SLC38A4: variants seen among roughly 807,000 people sequenced by gnomAD.
SLC38A4 encodes solute carrier family 38 member 4.
SLC38A4 carries 20 observed loss-of-function variants against 63.1 expected under a neutral mutation model. That is an observed-to-expected ratio of 0.32 (90% CI 0.22 to 0.46). The LOEUF is 0.46. Ranked by LOEUF, SLC38A4 falls within the 20% of genes least tolerant of loss-of-function variation. The pLI is 1.00. For missense variants in SLC38A4, 526 were observed against 663.6 expected, an observed-to-expected ratio of 0.79 and a Z score of 2.28; for synonymous variants, 230 against 225.5, an observed-to-expected ratio of 1.02 and a Z score of -0.18.
intron 16 of SLC38A4, among the ~76,000 whole-genome samples, chr12:46,768,030 A>T (rs1011924499): frequency 6.6e-6 from 1 of 152,144 alleles, no homozygotes; most frequent in African/African-American, 2.4e-5. Flanking sequence ...GCAGCTTGGT[A>T]TTGGACACTG....
At position 46,793,095 on chromosome 12, in the gene SLC38A4, C is replaced by T; in HGVS notation, c.-24G>A. 1 of 1,537,902 alleles carries T rather than the reference C, an allele frequency of 6.5e-7. No individual in the cohort carries two copies. The highest frequency in any genetic ancestry group is 9.0e-7 in the Non-Finnish European group (1 of 1,111,570). On this transcript the variant is annotated 5_prime_UTR_variant, in exon 3 of 17. Coordinates refer to ENST00000266579, the MANE Select transcript of SLC38A4 (RefSeq NM_018018.5). Reference sequence around the variant, plus strand: ...ATTTGAGCTGTCAGCGCTTTCTTGTCCACACACAAGCCCCTTCAGTGTAAA... The same window carrying T: ...ATTTGAGCTGTCAGCGCTTTCTTGTTCACACACAAGCCCCTTCAGTGTAAA...
chr12:46,769,363 C>T lies in SLC38A4; in HGVS notation c.1365G>A (p.Leu455=). The part of the protein sequence containing the change: ...KRPFSWIRHF[L]IAAVLIALNN... ...TAAGTGCAATAAGCACAGCTGCAAT[C>T]AGGAAATGTCGTATCCAGCTGAAGG... The change falls in exon 15 of 17, where the codon CTG becomes CTA. Residue 455 remains leucine, a synonymous_variant. Transcript: ENST00000266579. The T allele has an allele frequency of 1.9e-6, 3 of 1,613,494 alleles. No homozygotes were observed. The highest frequency in any genetic ancestry group is 2.5e-6 in the Non-Finnish European group (3 of 1,179,566).
At chr12:46,808,204 T>C (rs1939272922) in intron 1 of SLC38A4, among the ~76,000 whole-genome samples, 1 of 152,014 alleles carries the variant, frequency 6.6e-6, no homozygotes, top group Non-Finnish European at 1.5e-5. Flanking sequence ...CTCCCAAATA[T>C]GAAGCCCCAA....
At chr12:46,779,530 G>T in intron 10 of SLC38A4, 81 bp downstream of exon 10, 1 of 1,106,230 alleles carries the variant, frequency 9.0e-7, no homozygotes, top group Non-Finnish European at 1.3e-6. Flanking sequence ...TGAAGTGCTT[G>T]AACAAAATGA....
At chr12:46,780,303 C>T (rs1938613227) in intron 7 of SLC38A4, among the ~76,000 whole-genome samples, 1 of 151,950 alleles carries the variant, frequency 6.6e-6, no homozygotes, top group Non-Finnish European at 1.5e-5. Context: ...TAAGGTTCTG[C>T]CCTCATTAGT....
At chr12:46,800,696 T>C (rs1365940758) in intron 2 of SLC38A4, among the ~76,000 whole-genome samples, 1 of 152,106 alleles carries the variant, frequency 6.6e-6, no homozygotes, top group Non-Finnish European at 1.5e-5. Flanking sequence ...ATTTGATAAT[T>C]AACTGTCTTA....
At chr12:46,805,616 G>A (rs74239143) in intron 1 of SLC38A4, among the ~76,000 whole-genome samples, 15 of 151,936 alleles carry the variant, frequency 9.9e-5, no homozygotes, top group East Asian at 1.9e-4. Flanking sequence ...AATCTCATGC[G>A]CATTTGCTAA....
chr12:46,788,579 C>T lies in SLC38A4; in HGVS notation c.159G>A (p.Leu53=). 6.2e-7 allele frequency: 1 copy of T among 1,613,682 alleles called. No homozygotes were observed. Among genetic ancestry groups the T allele is most frequent in the African/African-American group, 1.3e-5 (1 of 75,034 alleles). ...TCTTTTTCCCCAAAAATCCATTTGT[C>T]AGGAATTTCTGACTTTCAGTGTCTT... The part of the protein sequence containing the change: ...ANEDTESQKF[L]TNGFLGKKKL... Residue 53 remains leucine (L), a synonymous_variant, in exon 4 of 17, where the codon CTG becomes CTA. Coordinates refer to ENST00000266579, the MANE Select transcript of SLC38A4 (RefSeq NM_018018.5).
intron 7 of SLC38A4, 51 bp downstream of exon 7, chr12:46,784,491 G>T: frequency 2.8e-6 from 4 of 1,406,718 alleles, no homozygotes; most frequent in Non-Finnish European, 2.9e-6. Flanking sequence ...CTTATTTATT[G>T]AACACGCTAT....
intron 1 of SLC38A4, among the ~76,000 whole-genome samples, chr12:46,822,638 A>T (rs1430071070): frequency 1.3e-5 from 2 of 152,156 alleles, no homozygotes; most frequent in Non-Finnish European, 2.9e-5. Flanking sequence ...TGAACTGGAG[A>T]GCTGAGGCAA....
intron 7 of SLC38A4, among the ~76,000 whole-genome samples, chr12:46,784,335 T>G (rs1592181176): frequency 6.6e-6 from 1 of 152,056 alleles, no homozygotes; most frequent in African/African-American, 2.4e-5. Context: ...ATTGGCAGGG[T>G]TTTATATGTT....
chr12:46,785,522 A>G (rs1938740041), intron 5 of SLC38A4, among the ~76,000 whole-genome samples: 1 of 152,076 alleles, frequency 6.6e-6, no homozygotes, highest in East Asian at 1.9e-4. Context: ...TATTTGCATG[A>G]TATTCACATC....
At chr12:46,774,378 T>A (rs555627893) in intron 14 of SLC38A4, among the ~76,000 whole-genome samples, 10 of 151,950 alleles carry the variant, frequency 6.6e-5, no homozygotes, top group African/African-American at 2.2e-4. Context: ...TATCCTTAGG[T>A]GGTGGTTTTA....
intron 2 of SLC38A4, among the ~76,000 whole-genome samples, chr12:46,795,947 AG>A (rs1369748458): frequency 1.3e-5 from 2 of 152,142 alleles, no homozygotes; most frequent in African/African-American, 4.8e-5. Context: ...TTTCTTCTAT[AG>A]AAGACACATT....
In SLC38A4 at chr12:46,778,708, T is replaced by A; in HGVS notation, c.786A>T (p.Ser262=). The change falls in exon 11 of 17, where the codon TCA becomes TCT. Residue 262 remains serine (S), a synonymous_variant. Transcript: ENST00000266579. ...PVLDHSVGNL[S]FNNTLPMHVV... is the part of the protein sequence containing the mutation. The stretch of plus-strand genomic sequence containing the variant: ...CATGCATTGGAAGCGTGTTGTTGAA[T>A]GACAGATTTCCAACACTGTGATCCA... The A allele has an allele frequency of 1.9e-6, 3 of 1,612,880 alleles. No individual in the cohort carries two copies. The highest frequency in any genetic ancestry group is 2.5e-6 in the Non-Finnish European group (3 of 1,179,304).
chr12:46,814,600 G>A (rs1939401786), intron 1 of SLC38A4, among the ~76,000 whole-genome samples: 1 of 151,978 alleles, frequency 6.6e-6, no homozygotes, highest in African/African-American at 2.4e-5. Context: ...ACCATTTGAT[G>A]TTGCTGAGCA....
intron 7 of SLC38A4, among the ~76,000 whole-genome samples, chr12:46,782,956 C>G (rs1273379781): frequency 1.4e-5 from 2 of 141,622 alleles, no homozygotes; most frequent in East Asian, 4.1e-4. Context: ...CATGAGAGCC[C>G]AGAGGAACTA....
chr12:46,832,014 A>G (rs1939738521), intron 1 of SLC38A4, among the ~76,000 whole-genome samples: 1 of 150,046 alleles, frequency 6.7e-6, no homozygotes, highest in South Asian at 2.1e-4. Flanking sequence ...AAGAAGTCAC[A>G]CATGAGCCCG....
intron 1 of SLC38A4, among the ~76,000 whole-genome samples, chr12:46,817,893 A>G (rs915387861): frequency 6.6e-6 from 1 of 151,986 alleles, no homozygotes; most frequent in Non-Finnish European, 1.5e-5. Flanking sequence ...CTAATAAAGT[A>G]ATAGAAAATT....
Sources: allele counts gnomAD v4.1 joint callset (sites outside exome capture counted in the v4.1 genomes callset), GRCh38; gene constraint gnomAD v4.1.1; transcripts MANE v1.5; gene names NCBI Gene and HGNC (gene_info 2026-07-23, HGNC 2026-07-21).